NUBPL: variants seen among roughly 807,000 people sequenced by gnomAD.
NUBPL encodes the protein NUBP iron-sulfur cluster assembly factor, mitochondrial, also known as iron-sulfur cluster transfer protein NUBPL.
NUBPL carries 31 observed loss-of-function variants against 45.7 expected under a neutral mutation model. That is an observed-to-expected ratio of 0.68 (90% CI 0.51 to 0.92). The LOEUF (loss-of-function observed/expected upper bound fraction) is 0.92, where lower values mean the gene tolerates loss of function less well. Ranked by LOEUF, NUBPL falls within the 40% of genes least tolerant of loss-of-function variation. The pLI, the probability that NUBPL is intolerant of heterozygous loss-of-function variation, is 0.00. For missense variants in NUBPL, 401 were observed against 398.7 expected (o/e 1.01, Z -0.05); for synonymous variants, 144 against 140.9 (o/e 1.02, Z -0.15).
chr14:31,699,132 G>A (rs2037278540), intron 6 of NUBPL, among the ~76,000 whole-genome samples: 1 of 152,208 alleles, frequency 6.6e-6, no homozygotes, highest in Non-Finnish European at 1.5e-5. Context: ...TGGGATTACA[G>A]GCATGAGCCA....
intron 10 of NUBPL, among the ~76,000 whole-genome samples, chr14:31,851,964 G>A (rs971510733): frequency 4.6e-5 from 7 of 152,166 alleles, no homozygotes; most frequent in African/African-American, 1.7e-4. Flanking sequence ...TAATATAACA[G>A]AGAACATATA....
Position 31,859,147 on chromosome 14 carries a change from A to T in NUBPL, c.927A>T (p.Glu309Asp), listed in dbSNP as rs1210887298. 6.2e-7 allele frequency: 1 copy of T among 1,613,850 alleles called. No individual in the cohort carries two copies. The highest frequency in any genetic ancestry group is 1.3e-5 in the African/African-American group (1 of 74,922). Reference protein sequence around the residue: ...EAKAYLRIAVEVVRRLPSPSE With the variant: ...EAKAYLRIAVDVVRRLPSPSE ...AAGCTTACTTGAGGATTGCTGTGGA[A>T]GTGGTAAGAAGATTGCCATCACCTT... The change falls in exon 11 of 11, where the codon GAA becomes GAT. Residue 309 changes from glutamate (E) to aspartate (D), a missense_variant. By Grantham distance (45) the Glu-to-Asp change is conservative. Coordinates refer to ENST00000281081, the MANE Select transcript of NUBPL (RefSeq NM_025152.3).
At chr14:31,571,626 T>G (rs2033588021) in intron 3 of NUBPL, among the ~76,000 whole-genome samples, 1 of 152,134 alleles carries the variant, frequency 6.6e-6, no homozygotes, top group Admixed American at 6.5e-5. Flanking sequence ...ATTTTTGAAT[T>G]TTTTGTAGAG....
intron 6 of NUBPL, among the ~76,000 whole-genome samples, chr14:31,783,936 A>G (rs1047011058): frequency 3.9e-5 from 6 of 152,260 alleles, no homozygotes; most frequent in Non-Finnish European, 8.8e-5. Flanking sequence ...TCTGAAACCC[A>G]GAGACGTGTC....
At position 31,846,505 on chromosome 14, in the gene NUBPL, A is replaced by G. The variant is rs1261074625; in HGVS notation, c.728A>G (p.Gln243Arg). The stretch of plus-strand genomic sequence containing the variant: ...CTTGTCCAAAACATGAGTGTTTTCC[A>G]GTGTCCAAAATGTAAACACAAAACT... ...LGLVQNMSVF[Q>R]CPKCKHKTHI... The change falls in exon 9 of 11, where the codon CAG (glutamine) becomes CGG (arginine). Residue 243 changes from glutamine to arginine, a missense_variant. Transcript: ENST00000281081. 3 of 1,613,058 alleles carry G rather than the reference A, an allele frequency of 1.9e-6. No homozygotes were observed. The highest frequency in any genetic ancestry group is 2.5e-6 in the Non-Finnish European group (3 of 1,179,498).
intron 4 of NUBPL, among the ~76,000 whole-genome samples, chr14:31,671,716 T>C (rs907786078): frequency 2.0e-5 from 3 of 152,120 alleles, no homozygotes; most frequent in Non-Finnish European, 4.4e-5. Flanking sequence ...TAGCCAGAAA[T>C]TAAAGAAGGA....
At position 31,621,494 on chromosome 14, in the gene NUBPL, C is replaced by T. The variant is rs557251070; in HGVS notation, c.382+22115C>T. Among the ~76,000 whole-genome samples, 8 of 152,292 alleles carry T rather than the reference C, an allele frequency of 5.3e-5. No individual in the cohort carries two copies. In the South Asian group the frequency reaches 1.7e-3, roughly 32 times the overall value. ...TGTGCAGTATTTGGGCTGGAGTGCA[C>T]AGTTCCTCTTGGTACAGTCTCTCAC... On this transcript the variant is annotated intron_variant, in intron 4 of 10. Coordinates refer to ENST00000281081, the MANE Select transcript of NUBPL (RefSeq NM_025152.3).
At chr14:31,818,100 A>C (rs899276604) in intron 7 of NUBPL, among the ~76,000 whole-genome samples, 1 of 152,232 alleles carries the variant, frequency 6.6e-6, no homozygotes, top group African/African-American at 2.4e-5. Flanking sequence ...AAAGGGATCA[A>C]TGCAACAAGA....
At chr14:31,781,074 A>G (rs960407813) in intron 6 of NUBPL, among the ~76,000 whole-genome samples, 1 of 152,204 alleles carries the variant, frequency 6.6e-6, no homozygotes, top group Non-Finnish European at 1.5e-5. Flanking sequence ...TTTTAGGCCA[A>G]GAAGCTTGAT....
At chr14:31,815,634 C>A (rs1315915411) in intron 7 of NUBPL, among the ~76,000 whole-genome samples, 1 of 152,118 alleles carries the variant, frequency 6.6e-6, no homozygotes, top group African/African-American at 2.4e-5. Context: ...GGGAATGCTT[C>A]CAGCTTTTGC....
chr14:31,798,069 C>G lies in NUBPL; in HGVS notation c.607+10196C>G, dbSNP rs113993134. Among the ~76,000 whole-genome samples, 63 of 149,198 alleles carry G rather than the reference C, an allele frequency of 4.2e-4. 3 individuals carry two copies. Among genetic ancestry groups the G allele is most frequent in the African/African-American group, 1.4e-3 (55 of 38,912 alleles). ...AGAATGTTGAATATTGGCCCCCACT[C>G]TCTTCTGGCTTGTAGGGTTTCTGCC... On this transcript the variant is annotated intron_variant, in intron 7 of 10. Coordinates refer to ENST00000281081, the MANE Select transcript of NUBPL (RefSeq NM_025152.3).
At chr14:31,596,975 C>T (rs948589152) in intron 3 of NUBPL, among the ~76,000 whole-genome samples, 1 of 152,116 alleles carries the variant, frequency 6.6e-6, no homozygotes, top group Admixed American at 6.6e-5. Flanking sequence ...TTTATAGGTT[C>T]TGATTTGTCC....
intron 3 of NUBPL, among the ~76,000 whole-genome samples, chr14:31,588,608 T>TA (rs2034057757): frequency 2.0e-5 from 3 of 151,804 alleles, no homozygotes; most frequent in Non-Finnish European, 2.9e-5. Flanking sequence ...TTTTTTTTTT[T>TA]TAAATCCTTA....
chr14:31,776,372 G>A (rs535322301), intron 6 of NUBPL, among the ~76,000 whole-genome samples: 1 of 152,310 alleles, frequency 6.6e-6, no homozygotes, highest in East Asian at 1.9e-4. Flanking sequence ...TGACTGCACA[G>A]ATGAGTTTGC....
chr14:31,753,834 A>C (rs8022541), intron 6 of NUBPL, among the ~76,000 whole-genome samples: 70,457 of 151,888 alleles, frequency 0.46, 17,667 homozygotes, highest in African/African-American at 0.67. Context: ...TCTTTAGACT[A>C]TCTACTTGAA....
chr14:31,809,260 G>T (rs1252090142), intron 7 of NUBPL, among the ~76,000 whole-genome samples: 3 of 152,112 alleles, frequency 2.0e-5, no homozygotes, highest in Admixed American at 6.6e-5. Context: ...ACATTTTTCG[G>T]TTGGTAGGCT....
At chr14:31,748,307 T>A (rs1436949504) in intron 6 of NUBPL, among the ~76,000 whole-genome samples, 1 of 152,226 alleles carries the variant, frequency 6.6e-6, no homozygotes. Context: ...TTAATGTTTG[T>A]TAGGTCCATT....
chr14:31,710,905 G>T (rs2037556549), intron 6 of NUBPL, among the ~76,000 whole-genome samples: 1 of 152,168 alleles, frequency 6.6e-6, no homozygotes, highest in Non-Finnish European at 1.5e-5. Context: ...TGATTGGTGA[G>T]CCTGGGTGCC....
intron 3 of NUBPL, chr14:31,578,022 A>G: frequency 1.3e-5 from 16 of 1,263,704 alleles, no homozygotes; most frequent in Non-Finnish European, 1.7e-5. Flanking sequence ...GAACTCAGTA[A>G]ATGGTAAGTG....
Sources: gnomAD v4.1 joint callset for allele counts (sites outside exome capture counted in the v4.1 genomes callset) on GRCh38, gnomAD v4.1.1 for gene constraint, MANE v1.5 for transcripts, NCBI Gene and HGNC (gene_info 2026-07-23, HGNC 2026-07-21) for gene names.